The following GPR176 variants were observed in gnomAD, a reference collection of about 807,000 sequenced individuals.
GPR176 encodes the protein G-protein coupled receptor 176.
GPR176 carries 26 observed loss-of-function variants against 35.4 expected under a neutral mutation model. That is an observed-to-expected ratio of 0.74 (90% CI 0.54 to 1.02). The LOEUF (loss-of-function observed/expected upper bound fraction) is 1.02. Ranked by LOEUF, GPR176 falls within the 50% of genes least tolerant of loss-of-function variation. GPR176 has a pLI of 0.00. For synonymous variants in GPR176, 278 were observed against 271.3 expected, an observed-to-expected ratio of 1.02 and a Z score of -0.24; for missense variants, 597 against 665.3, an observed-to-expected ratio of 0.90 and a Z score of 1.13.
At chr15:39,886,510 G>A (rs187144315) in intron 1 of GPR176, among the ~76,000 whole-genome samples, 100 of 152,104 alleles carry the variant, frequency 6.6e-4, no homozygotes, top group African/African-American at 2.3e-3. Context: ...TTCCCTCAAC[G>A]GTGGGCCAAA....
chr15:39,912,237 C>G (rs1208000860), intron 1 of GPR176, among the ~76,000 whole-genome samples: 1 of 152,180 alleles, frequency 6.6e-6, no homozygotes, highest in Non-Finnish European at 1.5e-5. Context: ...CTCCTACCTT[C>G]CAGGCTAGGC....
chr15:39,919,472 T>C (rs1277680150), intron 1 of GPR176, among the ~76,000 whole-genome samples: 5 of 152,218 alleles, frequency 3.3e-5, no homozygotes, highest in African/African-American at 9.6e-5. Flanking sequence ...TTTAACAGAA[T>C]GGGTAACATT....
chr15:39,897,011 A>G (rs183752854), intron 1 of GPR176, among the ~76,000 whole-genome samples: 3 of 152,352 alleles, frequency 2.0e-5, no homozygotes, highest in South Asian at 2.1e-4. Flanking sequence ...CAACCTATAT[A>G]AAAGACAGAG....
intron 1 of GPR176, among the ~76,000 whole-genome samples, chr15:39,825,131 CAGG>C (rs780284320): frequency 1.4e-4 from 21 of 152,100 alleles, no homozygotes; most frequent in Non-Finnish European, 2.6e-4. Flanking sequence ...CACTTGAGAC[CAGG>C]AGGCCAGGGC....
At chr15:39,823,913 C>T (rs1227767984) in intron 1 of GPR176, among the ~76,000 whole-genome samples, 1 of 152,222 alleles carries the variant, frequency 6.6e-6, no homozygotes, top group Non-Finnish European at 1.5e-5. Flanking sequence ...AAGTTCTCCT[C>T]TGCCTGGGTG....
At chr15:39,906,032 A>C (rs2033413066) in intron 1 of GPR176, among the ~76,000 whole-genome samples, 1 of 152,232 alleles carries the variant, frequency 6.6e-6, no homozygotes, top group African/African-American at 2.4e-5. Flanking sequence ...ACTGTATGTG[A>C]ATCTACAATT....
rs142774196 is a variant in GPR176, at chr15:39,871,512, C to T, written c.172+48343G>A. On this transcript the variant is annotated intron_variant, in intron 1 of 2. Coordinates refer to ENST00000561100, the MANE Select transcript of GPR176 (RefSeq NM_007223.3). Reference sequence around the variant, plus strand: ...TTCTGTAGAGAGAAATACAGTACTTCCTCCATCCCTCAGGGCAGGATTCAC... The same window carrying T: ...TTCTGTAGAGAGAAATACAGTACTTTCTCCATCCCTCAGGGCAGGATTCAC... 2.1e-3 allele frequency among the ~76,000 whole-genome samples: 313 copies of T among 152,306 alleles called. 1 individual carries two copies. Among genetic ancestry groups the T allele is most frequent in the Non-Finnish European group, 3.2e-3 (218 of 68,032 alleles).
intron 1 of GPR176, among the ~76,000 whole-genome samples, chr15:39,859,186 G>A (rs2031433886): frequency 6.6e-6 from 1 of 152,118 alleles, no homozygotes; most frequent in Admixed American, 6.5e-5. Flanking sequence ...GATCAAAGAT[G>A]TTTAAGAAAG....
intron 1 of GPR176, among the ~76,000 whole-genome samples, chr15:39,829,522 G>T (rs1900918119): frequency 6.6e-6 from 1 of 152,124 alleles, no homozygotes; most frequent in South Asian, 2.1e-4. Context: ...ACAGACTATG[G>T]TTTAAAATTA....
chr15:39,836,267 G>A (rs976577532), intron 1 of GPR176, among the ~76,000 whole-genome samples: 3 of 152,138 alleles, frequency 2.0e-5, no homozygotes, highest in Admixed American at 2.0e-4. Context: ...TCCCATTGTT[G>A]GAAGTGGGAC....
At chr15:39,816,591 T>C (rs1385573278) in intron 1 of GPR176, among the ~76,000 whole-genome samples, 2 of 152,214 alleles carry the variant, frequency 1.3e-5, no homozygotes, top group African/African-American at 4.8e-5. Context: ...AATCTCAAAG[T>C]AATGATAACT....
chr15:39,804,780 C>G (rs185978265), intron 2 of GPR176, among the ~76,000 whole-genome samples: 75 of 152,166 alleles, frequency 4.9e-4, no homozygotes, highest in Admixed American at 1.1e-3. Flanking sequence ...GAATGAAGTA[C>G]TGATACATTC....
intron 1 of GPR176, among the ~76,000 whole-genome samples, chr15:39,894,795 G>A (rs11857731): frequency 0.22 from 33,364 of 150,674 alleles, 3,812 homozygotes; most frequent in Non-Finnish European, 0.29. Context: ...AGGCAGAGAC[G>A]CTCCTCACTT....
chr15:39,914,441 A>G (rs188872976), intron 1 of GPR176, among the ~76,000 whole-genome samples: 86 of 150,998 alleles, frequency 5.7e-4, no homozygotes, highest in African/African-American at 1.8e-3. Flanking sequence ...AGCCTCCTGA[A>G]TAGCTGAGAT....
intron 1 of GPR176, among the ~76,000 whole-genome samples, chr15:39,875,908 C>T (rs2032224875): frequency 2.1e-5 from 3 of 143,842 alleles, no homozygotes; most frequent in Admixed American, 7.1e-5. Flanking sequence ...TTATTCCTCC[C>T]AATGTTTAAC....
intron 1 of GPR176, among the ~76,000 whole-genome samples, chr15:39,860,499 T>C (rs2031520084): frequency 6.6e-6 from 1 of 152,234 alleles, no homozygotes; most frequent in African/African-American, 2.4e-5. Flanking sequence ...ATATTCCCAA[T>C]CATGTGTTTT....
At chr15:39,825,664 C>T (rs938104629) in intron 1 of GPR176, among the ~76,000 whole-genome samples, 2 of 151,988 alleles carry the variant, frequency 1.3e-5, no homozygotes, top group Non-Finnish European at 2.9e-5. Flanking sequence ...TATAAATATG[C>T]TTATTTTCTG....
intron 1 of GPR176, among the ~76,000 whole-genome samples, chr15:39,853,437 G>C (rs2031004775): frequency 6.6e-6 from 1 of 152,144 alleles, no homozygotes; most frequent in Non-Finnish European, 1.5e-5. Context: ...CTGTTCAATG[G>C]ATGTAGAGTT....
chr15:39,804,171 T>C (rs1025738103), intron 2 of GPR176, among the ~76,000 whole-genome samples: 2 of 152,164 alleles, frequency 1.3e-5, no homozygotes, highest in African/African-American at 4.8e-5. Flanking sequence ...GGGAAACAGA[T>C]TGCAACATAA....
Sources: allele counts gnomAD v4.1 joint callset (sites outside exome capture counted in the v4.1 genomes callset), GRCh38; gene constraint gnomAD v4.1.1; transcripts MANE v1.5; gene names NCBI Gene and HGNC (gene_info 2026-07-23, HGNC 2026-07-21).